CSMD1: variants seen among roughly 807,000 people sequenced by gnomAD.
CSMD1 encodes CUB and sushi domain-containing protein 1.
In CSMD1, 213 loss-of-function variants were observed where a neutral mutation model predicts 417.5. That is an observed-to-expected ratio of 0.51 (90% CI 0.46 to 0.57). The LOEUF (loss-of-function observed/expected upper bound fraction) is 0.57. Among genes scored for constraint, CSMD1 ranks in the 20% least tolerant of loss-of-function variants. CSMD1 has a pLI of 0.00. For missense variants in CSMD1, 6,923 were observed against 4,529.7 expected (o/e 1.53, Z -15.17); for synonymous variants, 2,862 against 1,736.8 (o/e 1.65, Z -16.11).
At chr8:3,599,005 T>C (rs1423097089) in intron 8 of CSMD1, among the ~76,000 whole-genome samples, 4 of 151,946 alleles carry the variant, frequency 2.6e-5, no homozygotes, top group Non-Finnish European at 4.4e-5. Context: ...TCCGTGAATG[T>C]GGGAGGTAGG....
intron 3 of CSMD1, among the ~76,000 whole-genome samples, chr8:4,088,878 C>T (rs1307372374): frequency 1.3e-5 from 2 of 152,148 alleles, no homozygotes; most frequent in Admixed American, 6.6e-5. Flanking sequence ...TGTGTTCCAC[C>T]CGCAATCTTC....
chr8:3,420,123 G>C (rs1299464623), intron 12 of CSMD1, among the ~76,000 whole-genome samples: 1 of 152,070 alleles, frequency 6.6e-6, no homozygotes, highest in Non-Finnish European at 1.5e-5. Flanking sequence ...CAATAGTTGG[G>C]AAGTCATTCA....
At chr8:3,895,990 A>G (rs1438832954) in intron 5 of CSMD1, among the ~76,000 whole-genome samples, 4 of 152,218 alleles carry the variant, frequency 2.6e-5, no homozygotes, top group Non-Finnish European at 5.9e-5. Flanking sequence ...CTATTACTGT[A>G]AATCATTCAG....
chr8:4,177,487 C>T (rs887551645), intron 3 of CSMD1, among the ~76,000 whole-genome samples: 3 of 151,934 alleles, frequency 2.0e-5, no homozygotes, highest in East Asian at 1.9e-4. Context: ...AGGAAAGATC[C>T]AAAATTGACA....
At chr8:3,385,111 AATAT>A (rs71834764) in intron 18 of CSMD1, among the ~76,000 whole-genome samples, 3 of 125,332 alleles carry the variant, frequency 2.4e-5, no homozygotes, top group Non-Finnish European at 4.7e-5. Flanking sequence ...TATAAATAAA[AATAT>A]ATATAATATA....
intron 10 of CSMD1, among the ~76,000 whole-genome samples, chr8:3,554,009 T>C (rs1264286912): frequency 1.3e-5 from 2 of 152,174 alleles, no homozygotes; most frequent in African/African-American, 4.8e-5. Context: ...GGACTGATTT[T>C]ATTTTTCAAA....
intron 1 of CSMD1, among the ~76,000 whole-genome samples, chr8:4,956,231 G>T (rs1585403991): frequency 6.8e-6 from 1 of 146,926 alleles, no homozygotes; most frequent in Non-Finnish European, 1.5e-5. Flanking sequence ...CACCTTTACA[G>T]CCCTCCTTAC....
At chr8:3,460,778 T>G (rs1222721263) in intron 12 of CSMD1, among the ~76,000 whole-genome samples, 1 of 152,156 alleles carries the variant, frequency 6.6e-6, no homozygotes, top group African/African-American at 2.4e-5. Flanking sequence ...ATAGGGAGAT[T>G]ATTTTCCCCG....
At chr8:4,816,061 G>A (rs1563477795) in intron 1 of CSMD1, among the ~76,000 whole-genome samples, 1 of 152,164 alleles carries the variant, frequency 6.6e-6, no homozygotes, top group Non-Finnish European at 1.5e-5. Flanking sequence ...GATAAACACA[G>A]CAGGACTGGG....
chr8:4,552,432 G>A (rs555270441), intron 2 of CSMD1, among the ~76,000 whole-genome samples: 1 of 151,872 alleles, frequency 6.6e-6, no homozygotes, highest in Non-Finnish European at 1.5e-5. Context: ...TCTCCTATTG[G>A]TTCAACAATG....
At chr8:3,661,517 G>C (rs1054470794) in intron 7 of CSMD1, among the ~76,000 whole-genome samples, 2 of 151,446 alleles carry the variant, frequency 1.3e-5, no homozygotes, top group Non-Finnish European at 2.9e-5. Context: ...TCTTTTTTGA[G>C]ACTGAGTCCC....
At position 3,493,557 on chromosome 8, in the gene CSMD1, T is replaced by C. The variant is rs1264583219; in HGVS notation, c.1448+66A>G. ...CGAATTACAAGCCTGTAGCAGAATC[T>C]CATCTCCACCCACCGTGCCCCGCAC... is the stretch of plus-strand genomic sequence containing the variant. On this transcript the variant is annotated intron_variant, in intron 11 of 69. Coordinates refer to ENST00000635120, the MANE Select transcript of CSMD1 (RefSeq NM_033225.6). The C allele has an allele frequency of 2.2e-6, 3 of 1,350,604 alleles. No homozygotes were observed. In the African/African-American group the frequency reaches 4.3e-5, roughly 20 times the overall value. The allele number at this position is 1,350,604 out of a possible 1,614,324, so 83.7% of individuals were successfully genotyped here. A position where few individuals can be genotyped will look rare whatever the true frequency, so the allele number is the denominator to read the frequency against.
At chr8:4,218,266 G>C (rs896092151) in intron 3 of CSMD1, among the ~76,000 whole-genome samples, 1 of 152,130 alleles carries the variant, frequency 6.6e-6, no homozygotes, top group East Asian at 1.9e-4. Context: ...AATTGCGTGT[G>C]ACAATAGCAA....
At chr8:4,185,972 C>A (rs1798652342) in intron 3 of CSMD1, among the ~76,000 whole-genome samples, 1 of 152,152 alleles carries the variant, frequency 6.6e-6, no homozygotes, top group Admixed American at 6.5e-5. Context: ...ATACAGAAAT[C>A]ATTCTTAACA....
In CSMD1 at chr8:4,169,152, G is replaced by A. The variant is rs575991446; in HGVS notation, c.416-137053C>T. Among the ~76,000 whole-genome samples, 24 of 152,236 alleles carry A rather than the reference G, an allele frequency of 1.6e-4. 1 individual carries two copies. The highest frequency in any genetic ancestry group is 5.8e-4 in the African/African-American group (24 of 41,514). On this transcript the variant is annotated intron_variant, in intron 3 of 69. Coordinates refer to ENST00000635120, the MANE Select transcript of CSMD1 (RefSeq NM_033225.6). ...CACTGGTGGTGATGCCCAGCTTAATGGTGTAAACACCGTCTCTACGGTTTC... is the reference window on the plus strand; with the variant it reads ...CACTGGTGGTGATGCCCAGCTTAATAGTGTAAACACCGTCTCTACGGTTTC...
chr8:4,955,621 A>G (rs1809048374), intron 1 of CSMD1, among the ~76,000 whole-genome samples: 1 of 151,876 alleles, frequency 6.6e-6, no homozygotes, highest in Non-Finnish European at 1.5e-5. Context: ...ACACCCGGCT[A>G]ATTTTTGTAT....
chr8:3,219,564 C>T (rs1798082997), intron 28 of CSMD1, 122 bp from the exon 29 acceptor site: 2 of 664,116 alleles, frequency 3.0e-6, no homozygotes, highest in Admixed American at 3.6e-5. Flanking sequence ...TCAGTTAGGG[C>T]AATCAAAAAG....
At chr8:3,893,103 G>T (rs1370154538) in intron 5 of CSMD1, among the ~76,000 whole-genome samples, 1 of 151,536 alleles carries the variant, frequency 6.6e-6, no homozygotes, top group Non-Finnish European at 1.5e-5. Context: ...TATTATCTCT[G>T]CAAAAAACAT....
intron 5 of CSMD1, among the ~76,000 whole-genome samples, chr8:3,946,005 A>C (rs1811198436): frequency 6.6e-6 from 1 of 152,152 alleles, no homozygotes; most frequent in African/African-American, 2.4e-5. Flanking sequence ...CACTTTACTT[A>C]AATTTTGCTC....
Sources: allele counts gnomAD v4.1 joint callset (sites outside exome capture counted in the v4.1 genomes callset), GRCh38; gene constraint gnomAD v4.1.1; transcripts MANE v1.5; gene names NCBI Gene and HGNC (gene_info 2026-07-23, HGNC 2026-07-21).